Variants in HIRA observed in about 807,000 individuals in gnomAD.
HIRA encodes the protein protein HIRA.
HIRA carries 13 observed loss-of-function variants against 126.6 expected under a neutral mutation model. The ratio of observed to expected loss-of-function variants is 0.10; its 90% confidence interval spans 0.07 to 0.16. HIRA has a LOEUF of 0.16. Ranked by LOEUF, HIRA falls within the 10% of genes least tolerant of loss-of-function variation. The pLI is 1.00. For missense variants in HIRA, 834 were observed against 1,314.4 expected, an observed-to-expected ratio of 0.63 and a Z score of 5.65; for synonymous variants, 511 against 520.0, an observed-to-expected ratio of 0.98 and a Z score of 0.24.
Position 19,375,640 on chromosome 22 carries a change from G to T in HIRA, c.1766C>A (p.Ala589Asp). Residue 589 changes from alanine (A) to aspartate (D), a missense_variant, in exon 15 of 25, where the codon GCT (alanine) becomes GAT (aspartate). Transcript: ENST00000263208. ...TGCAGCTACCACCTACCTTTCCACAGCTGTCGGAGTCATGCTGGTCAGGGC... is the reference window on the plus strand; with the variant it reads ...TGCAGCTACCACCTACCTTTCCACATCTGTCGGAGTCATGCTGGTCAGGGC... ...APALTSMTPT[A>D]VERLKEQNLV... The T allele has an allele frequency of 6.2e-7, 1 of 1,614,178 alleles. No individual in the cohort carries two copies. Among genetic ancestry groups the T allele is most frequent in the Non-Finnish European group, 8.5e-7 (1 of 1,180,024 alleles).
At chr22:19,408,124 C>T (rs2089322331) in intron 3 of HIRA, among the ~76,000 whole-genome samples, 1 of 152,196 alleles carries the variant, frequency 6.6e-6, no homozygotes, top group South Asian at 2.1e-4. Flanking sequence ...GGCAGAGAGC[C>T]TCAGAGTGAC....
At chr22:19,417,397 G>A (rs543011802) in intron 1 of HIRA, among the ~76,000 whole-genome samples, 32 of 152,034 alleles carry the variant, frequency 2.1e-4, no homozygotes, top group Middle Eastern at 6.8e-3. Context: ...GCTAAGGTGG[G>A]TGGATCAAGA....
At chr22:19,349,837 G>C (rs547374449) in intron 24 of HIRA, among the ~76,000 whole-genome samples, 4 of 152,076 alleles carry the variant, frequency 2.6e-5, no homozygotes, top group African/African-American at 9.7e-5. Flanking sequence ...CTACCATCCC[G>C]TTGGGCTGTT....
intron 5 of HIRA, among the ~76,000 whole-genome samples, chr22:19,404,251 G>A (rs377527332): frequency 5.0e-4 from 76 of 152,294 alleles, no homozygotes; most frequent in African/African-American, 1.7e-3. Context: ...AGTAATGAGT[G>A]TCAGGTCCCC....
Position 19,357,041 on chromosome 22 carries a change from A to C in HIRA, c.2245T>G (p.Cys749Gly). The C allele has an allele frequency of 1.2e-6, 2 of 1,614,076 alleles. No homozygotes were observed. The highest frequency in any genetic ancestry group is 1.7e-5 in the Admixed American group (1 of 60,032). The change falls in exon 19 of 25, where the codon TGT becomes GGT. Residue 749 changes from cysteine (C) to glycine (G), a missense_variant. Cys to Gly is a radical substitution (Grantham distance 159, BLOSUM62 -3). Around this residue, in one of 5 missense-constraint regions of HIRA, gnomAD observed 468 missense variants for 574.2 expected, o/e 0.82. Transcript: ENST00000263208. Reference protein sequence around the residue: ...LTAAGSCDVVCVACEKRMLSV... With the variant: ...LTAAGSCDVVGVACEKRMLSV... ...AGCATCCTTTTTTCACAGGCGACAC[A>C]CACCACGTCACTGAGAAGGCAGAGT... is the stretch of plus-strand genomic sequence containing the variant.
intron 1 of HIRA, among the ~76,000 whole-genome samples, chr22:19,418,989 A>G (rs1213669489): frequency 6.6e-6 from 1 of 152,120 alleles, no homozygotes. Context: ...ATGTGTGTGT[A>G]CTAATATATA....
chr22:19,403,108 AAAAAAAAAAAG>A (rs915883120), intron 5 of HIRA, among the ~76,000 whole-genome samples: 1 of 151,790 alleles, frequency 6.6e-6, no homozygotes, highest in African/African-American at 2.4e-5. Context: ...TCTCAAAAAA[AAAAAAAAAAAG>A]AAAAAGAAAA....
chr22:19,369,721 C>G (rs2088947875), intron 15 of HIRA, among the ~76,000 whole-genome samples: 1 of 152,086 alleles, frequency 6.6e-6, no homozygotes, highest in African/African-American at 2.4e-5. Context: ...CACTTGAGGT[C>G]AGGAGTTCAA....
At chr22:19,404,324 G>C (rs757499636) in intron 5 of HIRA, among the ~76,000 whole-genome samples, 2 of 152,162 alleles carry the variant, frequency 1.3e-5, no homozygotes, top group African/African-American at 4.8e-5. Context: ...GGGTAGGAAA[G>C]AGAATGCAAG....
intron 9 of HIRA, 115 bp downstream of exon 9, chr22:19,391,986 T>G (rs754210965): frequency 2.9e-5 from 15 of 518,454 alleles, no homozygotes; most frequent in Non-Finnish European, 5.2e-5. Context: ...TGACCCCAGG[T>G]GCAGAATAGA....
intron 11 of HIRA, among the ~76,000 whole-genome samples, chr22:19,387,430 C>A (rs2045922259): frequency 6.6e-6 from 1 of 152,134 alleles, no homozygotes; most frequent in Non-Finnish European, 1.5e-5. Context: ...TTTCCCAGGG[C>A]AAAAACCTCC....
intron 5 of HIRA, among the ~76,000 whole-genome samples, chr22:19,401,799 C>T (rs1184350884): frequency 1.3e-5 from 2 of 152,114 alleles, no homozygotes; most frequent in African/African-American, 4.8e-5. Context: ...TTTTTCGGAG[C>T]GGCTCCTTTA....
At chr22:19,397,055 T>C (rs1433239929) in intron 6 of HIRA, 108 bp from the exon 7 acceptor site, 4 of 1,001,354 alleles carry the variant, frequency 4.0e-6, no homozygotes, top group Non-Finnish European at 4.5e-6. Flanking sequence ...CAGTCTGCCA[T>C]GGCCAGCCCC....
chr22:19,388,612 A>T (rs2089149134), intron 9 of HIRA, 58 bp from the exon 10 acceptor site: 2 of 1,411,768 alleles, frequency 1.4e-6, no homozygotes, highest in African/African-American at 2.8e-5. Context: ...TTCTGTATTC[A>T]GCTCAGTTAA....
chr22:19,398,432 C>G (rs1313450965), intron 5 of HIRA, among the ~76,000 whole-genome samples: 1 of 152,220 alleles, frequency 6.6e-6, no homozygotes, highest in Non-Finnish European at 1.5e-5. Flanking sequence ...ATAACAGGGC[C>G]TTCCTCCGAG....
chr22:19,423,066 C>CAATG, intron 1 of HIRA, among the ~76,000 whole-genome samples: 1 of 152,152 alleles, frequency 6.6e-6, no homozygotes, highest in Admixed American at 6.5e-5. Flanking sequence ...TTCACTCCTT[C>CAATG]AATGGTGTGG....
chr22:19,425,065 C>T (rs1297956013), intron 1 of HIRA, among the ~76,000 whole-genome samples: 1 of 152,168 alleles, frequency 6.6e-6, no homozygotes, highest in Non-Finnish European at 1.5e-5. Context: ...GCCAAAATGG[C>T]ATCACATGGC....
chr22:19,370,652 T>C (rs940932315), intron 15 of HIRA, among the ~76,000 whole-genome samples: 3 of 152,170 alleles, frequency 2.0e-5, no homozygotes, highest in Non-Finnish European at 4.4e-5. Flanking sequence ...AAGGCCTTTG[T>C]TAAAGATACT....
In HIRA at chr22:19,353,535, G is replaced by A; in HGVS notation, c.2685-16C>T. The A allele has an allele frequency of 6.3e-7, 1 of 1,585,606 alleles. No individual in the cohort carries two copies. The highest frequency in any genetic ancestry group is 8.6e-7 in the Non-Finnish European group (1 of 1,167,028). The stretch of plus-strand genomic sequence containing the variant: ...CCTTCCCGAGCTGCAGAGACCAGGA[G>A]AGTTTCCATGATGGGGCAGCAGGCA... On this transcript the variant is annotated splice_polypyrimidine_tract_variant and intron_variant, in intron 22 of 24. Transcript: ENST00000263208.
Sources: gnomAD v4.1 joint callset for allele counts (sites outside exome capture counted in the v4.1 genomes callset) on GRCh38, gnomAD v4.1.1 for gene constraint, gnomAD v4.1.1 regional missense constraint, MANE v1.5 for transcripts, NCBI Gene and HGNC (gene_info 2026-07-23, HGNC 2026-07-21) for gene names.